Variants in FSTL5 observed in about 807,000 individuals in gnomAD.
The protein encoded by FSTL5 is follistatin-related protein 5.
FSTL5 carries 62 observed loss-of-function variants against 89.1 expected under a neutral mutation model. That is an observed-to-expected ratio of 0.70 (90% CI 0.57 to 0.86). The LOEUF (loss-of-function observed/expected upper bound fraction) is 0.86. FSTL5 is among the 40% of genes least tolerant of loss of function. FSTL5 has a pLI of 0.00. For missense variants in FSTL5, 1,057 were observed against 1,001.6 expected, an observed-to-expected ratio of 1.06 and a Z score of -0.75; for synonymous variants, 383 against 346.2, an observed-to-expected ratio of 1.11 and a Z score of -1.18.
intron 3 of FSTL5, among the ~76,000 whole-genome samples, chr4:162,031,107 A>G (rs200430204): frequency 6.6e-6 from 1 of 152,140 alleles, no homozygotes; most frequent in Non-Finnish European, 1.5e-5. Flanking sequence ...TTTTTCTATT[A>G]TAATCTTCAG....
intron 6 of FSTL5, among the ~76,000 whole-genome samples, chr4:161,690,551 A>G (rs2126718775): frequency 6.6e-6 from 1 of 152,190 alleles, no homozygotes; most frequent in South Asian, 2.1e-4. Context: ...TTCTTTGTGT[A>G]TTCTAGACAC....
intron 4 of FSTL5, among the ~76,000 whole-genome samples, chr4:161,807,478 GA>G (rs1478924992): frequency 2.0e-5 from 3 of 152,050 alleles, no homozygotes; most frequent in African/African-American, 7.2e-5. Context: ...AAATTATGAT[GA>G]TTTTTTTTGC....
intron 4 of FSTL5, among the ~76,000 whole-genome samples, chr4:161,825,835 C>A (rs931610219): frequency 6.6e-6 from 1 of 151,944 alleles, no homozygotes; most frequent in Non-Finnish European, 1.5e-5. Flanking sequence ...TTTAAAAGAG[C>A]CAGCTTTTTG....
intron 6 of FSTL5, among the ~76,000 whole-genome samples, chr4:161,664,457 C>G (rs1049047535): frequency 2.0e-5 from 3 of 152,194 alleles, no homozygotes; most frequent in Non-Finnish European, 4.4e-5. Flanking sequence ...CTGCCAGTCT[C>G]TTTGCTAAAA....
At chr4:161,500,403 A>G (rs1189878615) in intron 11 of FSTL5, among the ~76,000 whole-genome samples, 5 of 152,168 alleles carry the variant, frequency 3.3e-5, no homozygotes, top group Non-Finnish European at 7.3e-5. Flanking sequence ...AGTTATAAAT[A>G]GGGATATAAA....
chr4:161,793,132 C>T (rs931940077), intron 4 of FSTL5, among the ~76,000 whole-genome samples: 5 of 152,232 alleles, frequency 3.3e-5, no homozygotes, highest in African/African-American at 1.2e-4. Context: ...ATGGAGCCGG[C>T]AACTGGACCA....
intron 2 of FSTL5, among the ~76,000 whole-genome samples, chr4:162,039,341 T>C (rs1201519532): frequency 1.3e-5 from 2 of 151,856 alleles, no homozygotes; most frequent in African/African-American, 4.8e-5. Context: ...TGTGACTTGT[T>C]TGCATTTGGT....
At chr4:161,876,911 G>A (rs563171651) in intron 4 of FSTL5, among the ~76,000 whole-genome samples, 20 of 152,058 alleles carry the variant, frequency 1.3e-4, no homozygotes, top group Non-Finnish European at 7.4e-5. Context: ...TAGGCCGGGC[G>A]CTGTGGCTCA....
intron 8 of FSTL5, 129 bp downstream of exon 8, chr4:161,587,326 A>T: frequency 1.4e-6 from 1 of 715,170 alleles, no homozygotes; most frequent in African/African-American, 1.8e-5. Context: ...AAACTTTTAC[A>T]TTATCAGTTG....
intron 8 of FSTL5, among the ~76,000 whole-genome samples, chr4:161,553,497 T>A (rs894784798): frequency 1.3e-5 from 2 of 151,490 alleles, no homozygotes; most frequent in African/African-American, 4.8e-5. Flanking sequence ...CTGAGCATAA[T>A]ACATTGTGCT....
intron 2 of FSTL5, among the ~76,000 whole-genome samples, chr4:162,092,775 C>A (rs1650849371): frequency 6.6e-6 from 1 of 151,406 alleles, no homozygotes; most frequent in East Asian, 2.0e-4. Flanking sequence ...ATGGTGAAAC[C>A]CCATCTCTAC....
intron 3 of FSTL5, among the ~76,000 whole-genome samples, chr4:161,988,847 T>G (rs2111069986): frequency 6.6e-6 from 1 of 152,294 alleles, no homozygotes; most frequent in East Asian, 1.9e-4. Context: ...TTTCAGATAA[T>G]TTCTTGTGAA....
intron 2 of FSTL5, among the ~76,000 whole-genome samples, chr4:162,059,020 A>G (rs114362736): frequency 6.6e-6 from 1 of 152,214 alleles, no homozygotes; most frequent in African/African-American, 2.4e-5. Flanking sequence ...AAGAAATACC[A>G]TTTCAAAATA....
At chr4:161,706,681 T>G (rs1466045268) in intron 6 of FSTL5, among the ~76,000 whole-genome samples, 1 of 152,064 alleles carries the variant, frequency 6.6e-6, no homozygotes, top group Non-Finnish European at 1.5e-5. Context: ...TTTATAAATA[T>G]TTATTATTTT....
intron 4 of FSTL5, among the ~76,000 whole-genome samples, chr4:161,779,791 A>ATG (rs1160402996): frequency 0.018 from 937 of 51,434 alleles, 38 homozygotes; most frequent in African/African-American, 0.065. Flanking sequence ...ATATATATAT[A>ATG]TATATATATA....
intron 7 of FSTL5, among the ~76,000 whole-genome samples, chr4:161,605,811 A>C (rs1180176390): frequency 6.6e-6 from 1 of 152,160 alleles, no homozygotes; most frequent in East Asian, 1.9e-4. Context: ...TGATGGTCTT[A>C]ATTGCTTTTC....
chr4:161,836,309 TG>T (rs1731039045), intron 4 of FSTL5, among the ~76,000 whole-genome samples: 1 of 54,560 alleles, frequency 1.8e-5, no homozygotes, highest in African/African-American at 7.5e-5. Flanking sequence ...TGTTGTGGGG[TG>T]GGGGGAGGGG....
At chr4:161,845,779 C>A (rs913926930) in intron 4 of FSTL5, among the ~76,000 whole-genome samples, 1 of 152,048 alleles carries the variant, frequency 6.6e-6, no homozygotes, top group Non-Finnish European at 1.5e-5. Flanking sequence ...GTGGGCCAGG[C>A]GCACGTCTGT....
intron 7 of FSTL5, among the ~76,000 whole-genome samples, chr4:161,652,943 G>C (rs980534854): frequency 1.1e-4 from 17 of 151,964 alleles, no homozygotes; most frequent in Non-Finnish European, 1.8e-4. Flanking sequence ...TGTACTTCTA[G>C]GGTATATACA....
Sources: gnomAD v4.1 joint callset for allele counts (sites outside exome capture counted in the v4.1 genomes callset) on GRCh38, gnomAD v4.1.1 for gene constraint, MANE v1.5 for transcripts, NCBI Gene and HGNC (gene_info 2026-07-23, HGNC 2026-07-21) for gene names.